MICU1: variants seen among roughly 807,000 people sequenced by gnomAD.
The protein encoded by MICU1 is mitochondrial calcium uptake 1.
Under a neutral mutation model 56.8 loss-of-function variants are expected in MICU1, and 45 were observed. The ratio of observed to expected loss-of-function variants is 0.79; its 90% confidence interval spans 0.62 to 1.02. The LOEUF is 1.02. Among genes scored for constraint, MICU1 ranks in the 50% least tolerant of loss-of-function variants. The probability of loss-of-function intolerance (pLI) is 0.00; values close to 1 mark genes in which losing one functional copy is unlikely to be tolerated. For synonymous variants in MICU1, 186 were observed against 195.1 expected (o/e 0.95, Z 0.39); for missense variants, 504 against 587.1 (o/e 0.86, Z 1.46).
At chr10:72,461,957 A>AAAC (rs920619437) in intron 8 of MICU1, among the ~76,000 whole-genome samples, 1 of 152,196 alleles carries the variant, frequency 6.6e-6, no homozygotes, top group African/African-American at 2.4e-5. Context: ...CATCTCAAAC[A>AAAC]AACAACAACA....
chr10:72,502,320 AAT>A (rs1362266039), intron 6 of MICU1, among the ~76,000 whole-genome samples: 1 of 151,842 alleles, frequency 6.6e-6, no homozygotes, highest in Admixed American at 6.6e-5. Flanking sequence ...ATGCCCGGCT[AAT>A]TTTTGTATTT....
chr10:72,585,658 CA>C (rs201988384), intron 1 of MICU1, among the ~76,000 whole-genome samples: 1,500 of 123,762 alleles, frequency 0.012, 9 homozygotes, highest in East Asian at 0.032. Context: ...GACTCTTTCT[CA>C]AAAAAAAAAA....
chr10:72,368,433 C>G, intron 11 of MICU1, 78 bp from the exon 12 acceptor site: 1 of 1,497,236 alleles, frequency 6.7e-7, no homozygotes, highest in Non-Finnish European at 9.1e-7. Flanking sequence ...ATTGTCCACA[C>G]AAAGTGGATT....
chr10:72,421,611 G>T lies in MICU1; in HGVS notation c.1071+1623C>A, dbSNP rs531633259. Among the ~76,000 whole-genome samples, 7 of 152,230 alleles carry T rather than the reference G, an allele frequency of 4.6e-5. No individual in the cohort carries two copies. In the East Asian group the frequency reaches 1.4e-3, roughly 29 times the overall value. On this transcript the variant is annotated intron_variant, in intron 9 of 11. Coordinates refer to ENST00000361114, the MANE Select transcript of MICU1 (RefSeq NM_001195518.2). ...TTTCCTTGTACCAGGGGCAGCTGGC[G>T]TTGAAGGGTACCAGAGAGCAGTGTT...
intron 8 of MICU1, among the ~76,000 whole-genome samples, chr10:72,449,129 G>A (rs1446433376): frequency 5.3e-5 from 8 of 152,158 alleles, no homozygotes; most frequent in Non-Finnish European, 8.8e-5. Flanking sequence ...TGGGCATGGT[G>A]ACTCATACCT....
At chr10:72,611,228 G>A (rs1841838672) in intron 1 of MICU1, among the ~76,000 whole-genome samples, 2 of 151,714 alleles carry the variant, frequency 1.3e-5, no homozygotes, top group African/African-American at 4.8e-5. Context: ...GCGGGAACCC[G>A]AGAGGCGGAG....
At chr10:72,523,760 C>A in intron 5 of MICU1, 1 of 1,279,420 alleles carries the variant, frequency 7.8e-7, no homozygotes, top group Non-Finnish European at 1.0e-6. Context: ...TATAAACTAC[C>A]ATTAAAGAGC....
intron 10 of MICU1, among the ~76,000 whole-genome samples, chr10:72,396,970 A>T (rs1189037819): frequency 6.6e-6 from 1 of 152,206 alleles, no homozygotes; most frequent in East Asian, 1.9e-4. Context: ...AGGGACCCCA[A>T]GACACAGTTG....
At chr10:72,500,261 C>CATAAATATATATATATAT (rs1181153026) in intron 6 of MICU1, among the ~76,000 whole-genome samples, 1 of 29,090 alleles carries the variant, frequency 3.4e-5, no homozygotes, top group Non-Finnish European at 7.6e-5. Flanking sequence ...TACATACATA[C>CATAAATATATATATATAT]ATATATATAT....
At chr10:72,494,806 A>T (rs1426888372) in intron 6 of MICU1, among the ~76,000 whole-genome samples, 3 of 151,818 alleles carry the variant, frequency 2.0e-5, no homozygotes, top group Admixed American at 6.6e-5. Context: ...TCTTTCATTT[A>T]CATTTTTTCC....
chr10:72,573,757 G>A (rs1840673997), intron 1 of MICU1, among the ~76,000 whole-genome samples: 1 of 151,982 alleles, frequency 6.6e-6, no homozygotes, highest in Admixed American at 6.6e-5. Flanking sequence ...ATAAAGGCAG[G>A]CCCAGAAGGC....
chr10:72,388,159 A>C (rs1276206216), intron 10 of MICU1, among the ~76,000 whole-genome samples: 1 of 152,194 alleles, frequency 6.6e-6, no homozygotes, highest in East Asian at 1.9e-4. Flanking sequence ...ACGCTCAATA[A>C]ATGCTAGATG....
chr10:72,476,283 C>T (rs1866120039), intron 7 of MICU1, among the ~76,000 whole-genome samples: 1 of 150,006 alleles, frequency 6.7e-6, no homozygotes, highest in Non-Finnish European at 1.5e-5. Flanking sequence ...GGCTGGGGTG[C>T]AATGGCACGA....
Position 72,562,984 on chromosome 10 carries a change from C to G in MICU1, c.241G>C (p.Asp81His). The G allele has an allele frequency of 1.2e-6, 2 of 1,609,498 alleles. No homozygotes were observed. Among genetic ancestry groups the G allele is most frequent in the Non-Finnish European group, 1.7e-6 (2 of 1,177,882 alleles). The change falls in exon 3 of 12, where the codon GAT (aspartate) becomes CAT (histidine). Residue 81 changes from aspartate to histidine, a missense_variant. Coordinates refer to ENST00000361114, the MANE Select transcript of MICU1 (RefSeq NM_001195518.2). ...GDKGKNKDEGDVCNHEKKTAD... is the reference protein window; with the variant it reads ...GDKGKNKDEGHVCNHEKKTAD... ...GTCTTTTTCTCATGGTTACAAACATCCCCTTCATCTTTATTCTTCCCTTTA... is the reference window on the plus strand; with the variant it reads ...GTCTTTTTCTCATGGTTACAAACATGCCCTTCATCTTTATTCTTCCCTTTA...
chr10:72,525,530 G>A (rs920623959), intron 5 of MICU1, among the ~76,000 whole-genome samples: 18 of 152,068 alleles, frequency 1.2e-4, no homozygotes, highest in South Asian at 4.1e-4. Context: ...TAATGGACTC[G>A]GTATTTAACC....
At chr10:72,524,785 G>A (rs879090842) in intron 5 of MICU1, 1 of 1,214,894 alleles carries the variant, frequency 8.2e-7, no homozygotes, top group Non-Finnish European at 1.0e-6. Flanking sequence ...CATTGACATT[G>A]TTTGATTATA....
intron 1 of MICU1, among the ~76,000 whole-genome samples, chr10:72,586,025 T>TTTC (rs1176436006): frequency 1.5e-5 from 2 of 136,092 alleles, no homozygotes; most frequent in Non-Finnish European, 3.2e-5. Flanking sequence ...TTTTTTTTTT[T>TTTC]TTTTTTTGAG....
rs1841918621 is a variant in MICU1, at chr10:72,614,008, G to A, written c.-2+12002C>T. Reference sequence around the variant, plus strand: ...AAAAATACAAAAAAATTAGCTGGGCGTGGTGGCGGGCGCCTGTCCCAGCTA... The same window carrying A: ...AAAAATACAAAAAAATTAGCTGGGCATGGTGGCGGGCGCCTGTCCCAGCTA... On this transcript the variant is annotated intron_variant, in intron 1 of 11. Coordinates refer to ENST00000361114, the MANE Select transcript of MICU1 (RefSeq NM_001195518.2). Among the ~76,000 whole-genome samples the A allele has an allele frequency of 3.9e-5, 6 of 152,208 alleles. 1 individual carries two copies. In the South Asian group the frequency reaches 1.2e-3, roughly 32 times the overall value.
chr10:72,571,411 T>A (rs764229583), intron 1 of MICU1, among the ~76,000 whole-genome samples: 4 of 152,052 alleles, frequency 2.6e-5, no homozygotes, highest in Non-Finnish European at 5.9e-5. Flanking sequence ...GCCTGGAAGA[T>A]AAATTTACAA....
Sources: gnomAD v4.1 joint callset for allele counts (sites outside exome capture counted in the v4.1 genomes callset) on GRCh38, gnomAD v4.1.1 for gene constraint, MANE v1.5 for transcripts, NCBI Gene and HGNC (gene_info 2026-07-23, HGNC 2026-07-21) for gene names.